The following RPS12 variants were observed in gnomAD, a reference collection of about 807,000 sequenced individuals.
RPS12 encodes ribosomal protein S12.
RPS12 carries 1 observed loss-of-function variant against 17.2 expected under a neutral mutation model. The ratio of observed to expected loss-of-function variants is 0.06; its 90% CI spans 0.02 to 0.28. The LOEUF (loss-of-function observed/expected upper bound fraction) is 0.28, where lower values mean the gene tolerates loss of function less well. RPS12 is among the 10% of genes least tolerant of loss of function. The pLI is 1.00. For synonymous variants in RPS12, 67 were observed against 54.0 expected (o/e 1.24, Z -1.06); for missense variants, 146 against 162.1 (o/e 0.90, Z 0.54).
rs762042505 is a variant in RPS12, at chr6:132,814,977, C to T, written c.20C>T (p.Ala7Val). Residue 7 changes from alanine to valine, a missense_variant, in exon 3 of 6, where the codon GCT becomes GTT. Physicochemically the swap from Ala to Val is moderately conservative, Grantham distance 64. Transcript: ENST00000230050. ...TCTGATGTGTCGCGTTTAAGCATTG[C>T]TGCTGGAGGTGTAATGGACGTTAAT... Reference protein sequence around the residue: MAEEGIAAGGVMDVNTA... With the variant: MAEEGIVAGGVMDVNTA... 7 of 1,605,740 alleles carry T rather than the reference C, an allele frequency of 4.4e-6. No individual in the cohort carries two copies. The highest frequency in any genetic ancestry group is 2.2e-5 in the East Asian group (1 of 44,830).
chr6:132,814,831 C>T, intron 2 of RPS12, 49 bp downstream of exon 2: 2 of 1,548,338 alleles, frequency 1.3e-6, no homozygotes, highest in South Asian at 1.1e-5. Flanking sequence ...GCGGCTGAGG[C>T]GTGGGGCTAG....
At chr6:132,815,219 G>A in intron 3 of RPS12, 131 bp downstream of exon 3, 6 of 751,204 alleles carry the variant, frequency 8.0e-6, no homozygotes, top group East Asian at 4.9e-5. Context: ...GGAAACCTAG[G>A]AAAAGGTATC....
chr6:132,814,838 C>T (rs1304310083), intron 2 of RPS12, 56 bp downstream of exon 2: 9 of 1,526,432 alleles, frequency 5.9e-6, no homozygotes, highest in East Asian at 2.3e-5. Context: ...AGGCGTGGGG[C>T]TAGAGCTGGC....
intron 5 of RPS12, 70 bp downstream of exon 5, chr6:132,817,131 G>A: frequency 1.0e-6 from 1 of 993,200 alleles, no homozygotes; most frequent in South Asian, 1.3e-5. Context: ...ATTGAAATAA[G>A]TTGAGGATCT....
intron 5 of RPS12, 116 bp downstream of exon 5, chr6:132,817,177 C>T (rs576976112): frequency 7.5e-6 from 6 of 804,160 alleles, no homozygotes; most frequent in South Asian, 1.4e-5. Context: ...AGGTTTAAAG[C>T]ATTTTCTGCA....
rs571788651 is a variant in RPS12 at position 132,815,273 on chromosome 6, G to C, written c.131+185G>C. The C allele has an allele frequency of 6.3e-5, 47 of 745,662 alleles. No individual in the cohort carries two copies. In the African/African-American group the frequency reaches 7.0e-4, roughly 11 times the overall value. The allele number at this position is 745,662 out of a possible 1,614,324, so 46.2% of individuals were successfully genotyped here. On this transcript the variant is annotated intron_variant, in intron 3 of 5. Coordinates refer to ENST00000230050, the MANE Select transcript of RPS12 (RefSeq NM_001016.4). Reference sequence around the variant, plus strand: ...GCCCACTTAAAATGTGTGGGTTGCTGTTTGGAATGGGGATAAGCACTCAAA... The same window carrying C: ...GCCCACTTAAAATGTGTGGGTTGCTCTTTGGAATGGGGATAAGCACTCAAA...
At position 132,815,125 on chromosome 6, in the gene RPS12, A is replaced by G. The variant is rs760781152; in HGVS notation, c.131+37A>G. ...AGTCTCAATACTGTGGGTTCTTGCAACCGGAACAAAACTGCCACCCAAGGG... is the reference window on the plus strand; with the variant it reads ...AGTCTCAATACTGTGGGTTCTTGCAGCCGGAACAAAACTGCCACCCAAGGG... On this transcript the variant is annotated intron_variant, in intron 3 of 5. Transcript: ENST00000230050. The G allele has an allele frequency of 1.5e-6, 2 of 1,347,866 alleles. 1 individual carries two copies. Among genetic ancestry groups the G allele is most frequent in the South Asian group, 2.3e-5 (2 of 85,648 alleles). The allele number at this position is 1,347,866 out of a possible 1,614,324, so 83.5% of individuals were successfully genotyped here.
intron 4 of RPS12, 165 bp downstream of exon 4, chr6:132,816,728 C>T: frequency 9.1e-6 from 7 of 769,086 alleles, no homozygotes; most frequent in East Asian, 2.4e-5. Context: ...GCATTTTATA[C>T]CTGCAGAATT....
At position 132,817,467 on chromosome 6, in the gene RPS12, TG is replaced by T. The variant is rs1286623348; in HGVS notation, c.337-12del. The stretch of plus-strand genomic sequence containing the variant: ...TTAACAAGAAATTGCATGCGTGTTT[TG>T]TTTTTTTTAAGGACTATGGCAAGGA... On this transcript the variant is annotated splice_polypyrimidine_tract_variant and intron_variant, in intron 5 of 5. Coordinates refer to ENST00000230050, the MANE Select transcript of RPS12 (RefSeq NM_001016.4). The T allele has an allele frequency of 6.4e-7, 1 of 1,561,338 alleles. No individual in the cohort carries two copies. The highest frequency in any genetic ancestry group is 1.1e-5 in the South Asian group (1 of 89,200).
intron 2 of RPS12, 57 bp downstream of exon 2, chr6:132,814,839 TAGAG>T (rs1383473303): frequency 1.3e-6 from 2 of 1,528,734 alleles, no homozygotes; most frequent in Non-Finnish European, 1.8e-6. Context: ...GGCGTGGGGC[TAGAG>T]CTGGCGGAAC....
intron 3 of RPS12, chr6:132,815,403 TCTTATA>T (rs764752283): frequency 7.7e-5 from 43 of 556,032 alleles, no homozygotes; most frequent in Non-Finnish European, 1.2e-4. Flanking sequence ...AGCTAGTCAG[TCTTATA>T]CTTATCTGGC....
intron 4 of RPS12, 104 bp from the exon 5 acceptor site, chr6:132,816,856 A>G: frequency 2.4e-6 from 2 of 834,184 alleles, no homozygotes; most frequent in Non-Finnish European, 4.2e-6. Flanking sequence ...GGAAACTGCC[A>G]TGTCACCCTT....
chr6:132,815,195 G>A, intron 3 of RPS12, 107 bp downstream of exon 3: 1 of 779,776 alleles, frequency 1.3e-6, no homozygotes, highest in Non-Finnish European at 2.3e-6. Context: ...GTTCTGAATG[G>A]CATCCGTCCT....
chr6:132,815,188 C>T lies in RPS12; in HGVS notation c.131+100C>T, dbSNP rs151193457. ...AGTTCATGGTGTTAGCGCAAAAGTT[C>T]TGAATGGCATCCGTCCTACCGGAAA... On this transcript the variant is annotated intron_variant, in intron 3 of 5. Coordinates refer to ENST00000230050, the MANE Select transcript of RPS12 (RefSeq NM_001016.4). The T allele has an allele frequency of 6.2e-6, 5 of 801,784 alleles. No individual in the cohort carries two copies. In the African/African-American group the frequency reaches 8.5e-5, roughly 14 times the overall value. The allele number at this position is 801,784 out of a possible 1,614,324, so 49.7% of individuals were successfully genotyped here.
At chr6:132,815,632 C>T (rs1376643702) in intron 3 of RPS12, 3 of 456,526 alleles carry the variant, frequency 6.6e-6, no homozygotes, top group African/African-American at 6.0e-5. Flanking sequence ...GACAAATCAA[C>T]CTACTCTTGA....
At chr6:132,816,373 T>G in intron 3 of RPS12, 88 bp from the exon 4 acceptor site, 1 of 928,930 alleles carries the variant, frequency 1.1e-6, no homozygotes, top group Non-Finnish European at 1.7e-6. Context: ...TTCGCAAGTG[T>G]TAGTGCAAAG....
At position 132,816,987 on chromosome 6, in the gene RPS12, T is replaced by C. The variant is rs201822044; in HGVS notation, c.262T>C (p.Trp88Arg). The C allele has an allele frequency of 1.2e-6, 2 of 1,612,374 alleles. No homozygotes were observed. The highest frequency in any genetic ancestry group is 2.2e-5 in the East Asian group (1 of 44,856). The change falls in exon 5 of 6, where the codon TGG (tryptophan) becomes CGG (arginine). Residue 88 changes from tryptophan (W) to arginine (R), a missense_variant. Trp to Arg is a moderately radical substitution (Grantham distance 101). Transcript: ENST00000230050. Reference sequence around the variant, plus strand: ...TGATGACAACAAGAAACTAGGAGAATGGGTAGGCCTTTGTAAAATTGACAG... The same window carrying C: ...TGATGACAACAAGAAACTAGGAGAACGGGTAGGCCTTTGTAAAATTGACAG... ...KVDDNKKLGE[W>R]VGLCKIDREG...
chr6:132,814,723 G>GT lies in RPS12; in HGVS notation c.-37-3dup. On this transcript the variant is annotated splice_polypyrimidine_tract_variant and intron_variant, in intron 1 of 5. Coordinates refer to ENST00000230050, the MANE Select transcript of RPS12 (RefSeq NM_001016.4). The stretch of plus-strand genomic sequence containing the variant: ...GGTTCTTTAACAAGTCAATGCTTTT[G>GT]TTTTTTAGTGCGTTCAAGATTCAAC... The GT allele has an allele frequency of 6.2e-7, 1 of 1,606,922 alleles. No individual in the cohort carries two copies. The highest frequency in any genetic ancestry group is 8.5e-7 in the Non-Finnish European group (1 of 1,173,890).
Position 132,814,758 on chromosome 6 carries a change from A to G in RPS12, c.-11A>G. On this transcript the variant is annotated 5_prime_UTR_variant, in exon 2 of 6. Transcript: ENST00000230050. ...GCGTTCAAGATTCAACTTCACCCGT[A>G]ACCCACCGCCATGGCCGAGGAAGGG... The G allele has an allele frequency of 6.2e-7, 1 of 1,613,592 alleles. No individual in the cohort carries two copies. Among genetic ancestry groups the G allele is most frequent in the Non-Finnish European group, 8.5e-7 (1 of 1,179,612 alleles).
Sources: allele counts gnomAD v4.1 joint callset, GRCh38; gene constraint gnomAD v4.1.1; transcripts MANE v1.5; gene names NCBI Gene and HGNC (gene_info 2026-07-23, HGNC 2026-07-21).